Variants in GMDS observed in about 807,000 individuals in gnomAD.
GMDS encodes GDP-mannose 4,6-dehydratase, also known as GDP-mannose 4,6 dehydratase.
GMDS carries 20 observed loss-of-function variants against 49.9 expected under a neutral mutation model. The observed-to-expected ratio is 0.40, with a 90% CI of 0.28 to 0.58. The LOEUF (loss-of-function observed/expected upper bound fraction) is 0.58. GMDS is among the 20% of genes least tolerant of loss of function. GMDS has a pLI of 0.42. For missense variants in GMDS, 362 were observed against 481.4 expected, an observed-to-expected ratio of 0.75 and a Z score of 2.32; for synonymous variants, 177 against 178.6, an observed-to-expected ratio of 0.99 and a Z score of 0.07.
chr6:1,673,619 C>T (rs1053009163), intron 9 of GMDS, among the ~76,000 whole-genome samples: 6 of 152,036 alleles, frequency 3.9e-5, no homozygotes, highest in Non-Finnish European at 7.4e-5. Context: ...TTTTGACAAA[C>T]GTATAATGTC....
At chr6:1,658,198 C>T (rs912370651) in intron 9 of GMDS, among the ~76,000 whole-genome samples, 2 of 152,274 alleles carry the variant, frequency 1.3e-5, no homozygotes, top group Admixed American at 6.5e-5. Context: ...GTCCTTCCTA[C>T]TGAAGGTGTC....
At chr6:1,792,417 A>G (rs1479883823) in intron 7 of GMDS, among the ~76,000 whole-genome samples, 1 of 152,130 alleles carries the variant, frequency 6.6e-6, no homozygotes, top group Non-Finnish European at 1.5e-5. Flanking sequence ...TCAGTGTTCA[A>G]TCCAGTTTGT....
At chr6:1,952,228 C>T (rs1763377239) in intron 6 of GMDS, 1 of 152,394 alleles carries the variant, frequency 6.6e-6, no homozygotes, top group African/African-American at 2.4e-5. Flanking sequence ...CTGGCTGCTC[C>T]CTAGAAGCTC....
intron 7 of GMDS, among the ~76,000 whole-genome samples, chr6:1,868,614 G>T (rs1758560151): frequency 6.6e-6 from 1 of 152,308 alleles, no homozygotes; most frequent in South Asian, 2.1e-4. Flanking sequence ...GAATTTTACA[G>T]ATGAAAAATT....
intron 4 of GMDS, among the ~76,000 whole-genome samples, chr6:2,106,472 A>G (rs1774247871): frequency 6.6e-6 from 1 of 152,204 alleles, no homozygotes; most frequent in Non-Finnish European, 1.5e-5. Context: ...TTAAATATAC[A>G]TACAAATTTT....
chr6:1,994,806 T>C (rs542625337), intron 4 of GMDS, among the ~76,000 whole-genome samples: 19 of 152,114 alleles, frequency 1.2e-4, no homozygotes, highest in African/African-American at 4.3e-4. Context: ...CACAACATAG[T>C]CCCACTTTTA....
chr6:1,812,930 A>G (rs190567918), intron 7 of GMDS, among the ~76,000 whole-genome samples: 22 of 152,288 alleles, frequency 1.4e-4, no homozygotes, highest in Non-Finnish European at 2.9e-4. Flanking sequence ...TGCTTCTAAA[A>G]TAAGTTATTA....
At chr6:2,221,946 A>G (rs1425627196) in intron 1 of GMDS, among the ~76,000 whole-genome samples, 1 of 151,924 alleles carries the variant, frequency 6.6e-6, no homozygotes, top group Non-Finnish European at 1.5e-5. Context: ...GAAGAAAAAG[A>G]GAAAATGAAA....
At chr6:1,894,183 T>G (rs1581318217) in intron 7 of GMDS, among the ~76,000 whole-genome samples, 2 of 152,260 alleles carry the variant, frequency 1.3e-5, no homozygotes, top group East Asian at 3.8e-4. Context: ...AAAAAGTTAT[T>G]GATCAATTTA....
At chr6:1,844,419 A>T (rs1757292842) in intron 7 of GMDS, among the ~76,000 whole-genome samples, 1 of 152,224 alleles carries the variant, frequency 6.6e-6, no homozygotes, top group African/African-American at 2.4e-5. Flanking sequence ...ACCTACCTCA[A>T]ACAGTTTTTA....
At chr6:1,850,447 C>A (rs1208440610) in intron 7 of GMDS, among the ~76,000 whole-genome samples, 1 of 152,216 alleles carries the variant, frequency 6.6e-6, no homozygotes, top group Non-Finnish European at 1.5e-5. Flanking sequence ...TTTATCAGAA[C>A]TGGAAATGGG....
At chr6:1,998,009 G>C (rs965204185) in intron 4 of GMDS, among the ~76,000 whole-genome samples, 15 of 152,102 alleles carry the variant, frequency 9.9e-5, no homozygotes, top group African/African-American at 3.1e-4. Flanking sequence ...TGAGTACCAA[G>C]AAAGAGCTCC....
chr6:1,982,882 A>C (rs1765302560), intron 4 of GMDS, among the ~76,000 whole-genome samples: 1 of 152,234 alleles, frequency 6.6e-6, no homozygotes, highest in Non-Finnish European at 1.5e-5. Context: ...GACTACTTTA[A>C]AATTCATATG....
chr6:1,878,193 T>C (rs1203639802), intron 7 of GMDS, among the ~76,000 whole-genome samples: 1 of 151,428 alleles, frequency 6.6e-6, no homozygotes, highest in Admixed American at 6.6e-5. Flanking sequence ...CGGGCACCTG[T>C]AGTCCCAGCT....
chr6:1,804,508 A>G (rs749319694), intron 7 of GMDS, among the ~76,000 whole-genome samples: 1 of 152,194 alleles, frequency 6.6e-6, no homozygotes, highest in Non-Finnish European at 1.5e-5. Context: ...TGTTGGCTTT[A>G]TTGCTAATTT....
chr6:1,927,046 C>T (rs372299864), intron 7 of GMDS, among the ~76,000 whole-genome samples: 1,471 of 86,282 alleles, frequency 0.017, 7 homozygotes, highest in African/African-American at 0.05. Context: ...CAGAGGGTAG[C>T]GTGTTGATGT....
intron 7 of GMDS, among the ~76,000 whole-genome samples, chr6:1,750,570 C>T (rs927962364): frequency 6.6e-6 from 1 of 152,198 alleles, no homozygotes; most frequent in African/African-American, 2.4e-5. Flanking sequence ...ACGCTTTTCC[C>T]ATGGTCTTTG....
At chr6:1,880,049 G>A (rs1759288205) in intron 7 of GMDS, among the ~76,000 whole-genome samples, 1 of 152,070 alleles carries the variant, frequency 6.6e-6, no homozygotes, top group Non-Finnish European at 1.5e-5. Context: ...AATGATAAAT[G>A]ATGATGAATA....
chr6:2,196,638 G>A (rs771346240), intron 1 of GMDS, among the ~76,000 whole-genome samples: 1 of 152,182 alleles, frequency 6.6e-6, no homozygotes, highest in Non-Finnish European at 1.5e-5. Flanking sequence ...GTTCAGGACA[G>A]ACCACATTAA....
Sources: gnomAD v4.1 joint callset for allele counts (sites outside exome capture counted in the v4.1 genomes callset) on GRCh38, gnomAD v4.1.1 for gene constraint, MANE v1.5 for transcripts, NCBI Gene and HGNC (gene_info 2026-07-23, HGNC 2026-07-21) for gene names.